Variants in PDE10A observed in about 807,000 individuals in gnomAD.
The protein encoded by PDE10A is cAMP and cAMP-inhibited cGMP 3',5'-cyclic phosphodiesterase 10A.
Under a neutral mutation model 97.7 loss-of-function variants are expected in PDE10A, and 39 were observed. The observed-to-expected ratio is 0.40, with a 90% confidence interval of 0.31 to 0.52. PDE10A has a LOEUF of 0.52. Ranked by LOEUF, PDE10A falls within the 20% of genes least tolerant of loss-of-function variation. PDE10A has a pLI of 0.56. For synonymous variants in PDE10A, 371 were observed against 376.8 expected (o/e 0.98, Z 0.18); for missense variants, 731 against 1,047.8 (o/e 0.70, Z 4.17).
intron 9 of PDE10A, 24 bp downstream of exon 9, chr6:165,430,263 C>G (rs756375415): frequency 1.9e-6 from 3 of 1,563,356 alleles, no homozygotes; most frequent in Non-Finnish European, 2.6e-6. Flanking sequence ...ATAAGAGCTA[C>G]TATCCCTAGA....
At chr6:165,954,611 G>A (rs752201919) in intron 1 of PDE10A, among the ~76,000 whole-genome samples, 3 of 152,090 alleles carry the variant, frequency 2.0e-5, no homozygotes. Context: ...GGGTCTCTCC[G>A]TCCTCCCTCC....
intron 10 of PDE10A, among the ~76,000 whole-genome samples, chr6:165,425,089 T>C (rs1312263167): frequency 6.6e-6 from 1 of 152,162 alleles, no homozygotes; most frequent in African/African-American, 2.4e-5. Context: ...AAATAAGTAC[T>C]GTAAAAACTG....
intron 1 of PDE10A, among the ~76,000 whole-genome samples, chr6:165,610,212 A>C (rs1787424309): frequency 6.6e-6 from 1 of 152,196 alleles, no homozygotes; most frequent in African/African-American, 2.4e-5. Flanking sequence ...CCACACATCT[A>C]CAACTATCTG....
chr6:165,941,215 A>G (rs1419630570), intron 1 of PDE10A, among the ~76,000 whole-genome samples: 1 of 152,206 alleles, frequency 6.6e-6, no homozygotes, highest in African/African-American at 2.4e-5. Flanking sequence ...AAACCAGATG[A>G]TACCAGTAAA....
At chr6:165,659,018 C>G (rs73253410) in intron 1 of PDE10A, among the ~76,000 whole-genome samples, 6,921 of 152,244 alleles carry the variant, frequency 0.045, 369 homozygotes, top group African/African-American at 0.13. Flanking sequence ...CTTTCTGTCT[C>G]TGGGGCCTGG....
chr6:165,933,018 C>G (rs1257074493), intron 1 of PDE10A, among the ~76,000 whole-genome samples: 1 of 152,194 alleles, frequency 6.6e-6, no homozygotes, highest in African/African-American at 2.4e-5. Flanking sequence ...GGGTTGATTC[C>G]TGGTCTGGGG....
chr6:165,785,687 C>T (rs1266882300), intron 1 of PDE10A, among the ~76,000 whole-genome samples: 2 of 152,172 alleles, frequency 1.3e-5, no homozygotes, highest in Admixed American at 6.5e-5. Flanking sequence ...ATTCAGATGT[C>T]TTCCAAAAAC....
At chr6:165,564,666 GC>G (rs911600770) in intron 1 of PDE10A, among the ~76,000 whole-genome samples, 2 of 152,138 alleles carry the variant, frequency 1.3e-5, no homozygotes, top group African/African-American at 4.8e-5. Flanking sequence ...TTTATACAAT[GC>G]CTCTCCCATT....
At chr6:165,744,624 G>T (rs1792803163) in intron 1 of PDE10A, among the ~76,000 whole-genome samples, 1 of 151,906 alleles carries the variant, frequency 6.6e-6, no homozygotes, top group Non-Finnish European at 1.5e-5. Flanking sequence ...AGTTTGAACT[G>T]AAAATTCACT....
intron 1 of PDE10A, among the ~76,000 whole-genome samples, chr6:165,957,652 A>C (rs1784175716): frequency 6.6e-6 from 1 of 152,182 alleles, no homozygotes; most frequent in African/African-American, 2.4e-5. Flanking sequence ...GCTCCAAACC[A>C]CTTTGCTCAA....
chr6:165,372,321 A>G (rs1002173800), intron 18 of PDE10A, among the ~76,000 whole-genome samples: 1 of 150,580 alleles, frequency 6.6e-6, no homozygotes, highest in Non-Finnish European at 1.5e-5. Context: ...TTGTATATCT[A>G]GAAAACCCCA....
At chr6:165,620,290 G>C (rs35600502) in intron 1 of PDE10A, among the ~76,000 whole-genome samples, 29,554 of 151,916 alleles carry the variant, frequency 0.19, 4,354 homozygotes, top group African/African-American at 0.42. Flanking sequence ...CCCCACCCTG[G>C]CCAGGCAGTA....
At position 165,342,080 on chromosome 6, in the gene PDE10A, T is replaced by C. The variant is rs377613636; in HGVS notation, c.2895+1311A>G. Among the ~76,000 whole-genome samples the C allele has an allele frequency of 8.0e-4, 122 of 152,340 alleles. 2 individuals carry two copies. In the South Asian group the frequency reaches 0.024, roughly 30 times the overall value. The stretch of plus-strand genomic sequence containing the variant: ...CAGTCTATAAGTGTGTATATAAGTT[T>C]TGATAAATTTTAACTTATCATAGAT... On this transcript the variant is annotated intron_variant, in intron 19 of 21. Transcript: ENST00000539869.
At position 165,334,236 on chromosome 6, in the gene PDE10A, C is replaced by A. The variant is rs1781503729; in HGVS notation, c.3066-1109G>T. Among the ~76,000 whole-genome samples the A allele has an allele frequency of 2.6e-5, 4 of 152,350 alleles. No homozygotes were observed. The South Asian group carries it at 8.3e-4, about 32-fold the overall frequency. The stretch of plus-strand genomic sequence containing the variant: ...GGCAGAGCTGCCCACACAGTGGACA[C>A]CGTGTTCTCAGAGCTCCACAAGGAA... On this transcript the variant is annotated intron_variant, in intron 21 of 21. Coordinates refer to ENST00000539869, the MANE Select transcript of PDE10A (RefSeq NM_001385079.1).
At chr6:165,393,525 A>C (rs1485471290) in intron 15 of PDE10A, among the ~76,000 whole-genome samples, 2 of 152,048 alleles carry the variant, frequency 1.3e-5, no homozygotes, top group African/African-American at 4.8e-5. Flanking sequence ...AGAATTCATA[A>C]AAACTTAAAA....
At chr6:165,405,515 T>A (rs1418088270) in intron 13 of PDE10A, among the ~76,000 whole-genome samples, 1 of 152,174 alleles carries the variant, frequency 6.6e-6, no homozygotes, top group Non-Finnish European at 1.5e-5. Context: ...TATGCACTGT[T>A]CTAAGAGTTT....
At chr6:165,918,517 C>T (rs181962240) in intron 1 of PDE10A, among the ~76,000 whole-genome samples, 30 of 152,292 alleles carry the variant, frequency 2.0e-4, no homozygotes, top group African/African-American at 7.0e-4. Flanking sequence ...AGCAGCCAAT[C>T]GTTCAACTGA....
At chr6:165,476,288 T>C (rs1484556809) in intron 3 of PDE10A, among the ~76,000 whole-genome samples, 5 of 152,132 alleles carry the variant, frequency 3.3e-5, no homozygotes, top group African/African-American at 1.2e-4. Flanking sequence ...AAAGCATCTG[T>C]TTTGCACTCT....
intron 1 of PDE10A, among the ~76,000 whole-genome samples, chr6:165,609,741 G>C (rs1251608228): frequency 6.6e-6 from 1 of 152,162 alleles, no homozygotes; most frequent in African/African-American, 2.4e-5. Flanking sequence ...CAAATCATGA[G>C]TGAACTCCCA....
Sources: allele counts gnomAD v4.1 joint callset (sites outside exome capture counted in the v4.1 genomes callset), GRCh38; gene constraint gnomAD v4.1.1; transcripts MANE v1.5; gene names NCBI Gene and HGNC (gene_info 2026-07-23, HGNC 2026-07-21).